PPARGC1A: variants seen among roughly 807,000 people sequenced by gnomAD.
PPARGC1A encodes peroxisome proliferator-activated receptor gamma coactivator 1-alpha.
PPARGC1A carries 25 observed loss-of-function variants against 88.7 expected under a neutral mutation model. That is an observed-to-expected ratio of 0.28 (90% CI 0.21 to 0.39). The LOEUF (loss-of-function observed/expected upper bound fraction) is 0.39, where lower values mean the gene tolerates loss of function less well. Among genes scored for constraint, PPARGC1A ranks in the 10% least tolerant of loss-of-function variants. The probability of loss-of-function intolerance (pLI) is 1.00; values close to 1 mark genes in which losing one functional copy is unlikely to be tolerated. For missense variants in PPARGC1A, 880 were observed against 968.7 expected, an observed-to-expected ratio of 0.91 and a Z score of 1.22; for synonymous variants, 363 against 355.6, an observed-to-expected ratio of 1.02 and a Z score of -0.24.
the PPARGC1A span, among the ~76,000 whole-genome samples, chr4:24,192,811 A>T: frequency 1.3e-5 from 2 of 152,362 alleles, no homozygotes; most frequent in Non-Finnish European, 2.9e-5. Context: ...AAATAATTAT[A>T]GCTACACTGT....
chr4:24,160,871 A>G, the PPARGC1A span, among the ~76,000 whole-genome samples: 2 of 152,066 alleles, frequency 1.3e-5, no homozygotes, highest in Non-Finnish European at 2.9e-5. Flanking sequence ...TGAACAAAAC[A>G]CTCAAACTAT....
the PPARGC1A span, among the ~76,000 whole-genome samples, chr4:24,006,224 T>A: frequency 6.6e-6 from 1 of 152,122 alleles, no homozygotes; most frequent in Non-Finnish European, 1.5e-5. Flanking sequence ...AATTTTTGTA[T>A]TTTTAGTAGA....
At position 23,875,066 on chromosome 4, in the gene PPARGC1A, C is replaced by T. The variant is rs544872690; in HGVS notation, c.234+9686G>A. Among the ~76,000 whole-genome samples the T allele has an allele frequency of 5.9e-5, 9 of 152,322 alleles. No individual in the cohort carries two copies. In the South Asian group the frequency reaches 1.0e-3, roughly 18 times the overall value. Reference sequence around the variant, plus strand: ...AGGGTACAAACCTTGACCAACTTTGCGGTGTCTTCCCTGCTTGTACATTTC... The same window carrying T: ...AGGGTACAAACCTTGACCAACTTTGTGGTGTCTTCCCTGCTTGTACATTTC... On this transcript the variant is annotated intron_variant, in intron 2 of 12. Transcript: ENST00000264867.
the PPARGC1A span, among the ~76,000 whole-genome samples, chr4:24,049,335 T>C: frequency 7.0e-6 from 1 of 142,804 alleles, no homozygotes; most frequent in Non-Finnish European, 1.5e-5. Flanking sequence ...TGTGTGTGTG[T>C]ATATATATAT....
the PPARGC1A span, among the ~76,000 whole-genome samples, chr4:24,121,043 G>A: frequency 6.6e-6 from 1 of 152,184 alleles, no homozygotes; most frequent in Admixed American, 6.5e-5. Context: ...ATTCCTGTAA[G>A]CTACTTAACC....
At chr4:24,451,465 G>C in the PPARGC1A span, among the ~76,000 whole-genome samples, 1 of 152,188 alleles carries the variant, frequency 6.6e-6, no homozygotes, top group South Asian at 2.1e-4. Flanking sequence ...TTTTAGTCCA[G>C]TTCTTCTACC....
the PPARGC1A span, among the ~76,000 whole-genome samples, chr4:24,340,650 C>T: frequency 0.18 from 28,049 of 151,952 alleles, 2,718 homozygotes; most frequent in South Asian, 0.24. Flanking sequence ...GGTTTCCGTC[C>T]ACATCTAACA....
chr4:23,942,556 T>C, the PPARGC1A span, among the ~76,000 whole-genome samples: 1 of 152,208 alleles, frequency 6.6e-6, no homozygotes, highest in Non-Finnish European at 1.5e-5. Flanking sequence ...TAAAATTCAC[T>C]TCCACACTTA....
the PPARGC1A span, among the ~76,000 whole-genome samples, chr4:24,057,868 T>C: frequency 1.3e-5 from 2 of 152,148 alleles, no homozygotes; most frequent in African/African-American, 2.4e-5. Context: ...TGGAAAACTG[T>C]TTTAATTAGT....
At chr4:24,356,200 C>CAAAA in the PPARGC1A span, among the ~76,000 whole-genome samples, 4 of 74,538 alleles carry the variant, frequency 5.4e-5, no homozygotes, top group African/African-American at 1.4e-4. Flanking sequence ...CCGTCTCAAA[C>CAAAA]AAAAAAAAAA....
the PPARGC1A span, among the ~76,000 whole-genome samples, chr4:24,077,195 T>C: frequency 5.3e-5 from 8 of 152,128 alleles, no homozygotes; most frequent in African/African-American, 1.7e-4. Flanking sequence ...AGGAATATCT[T>C]TGGCCTCTCT....
chr4:23,836,271 G>T (rs1186473684), intron 2 of PPARGC1A, among the ~76,000 whole-genome samples: 1 of 152,178 alleles, frequency 6.6e-6, no homozygotes, highest in Non-Finnish European at 1.5e-5. Flanking sequence ...GGAAGGAAAG[G>T]TAGAAAACAG....
chr4:23,923,638 GA>G, the PPARGC1A span, among the ~76,000 whole-genome samples: 1 of 152,164 alleles, frequency 6.6e-6, no homozygotes, highest in African/African-American at 2.4e-5. Context: ...GAATACAAAG[GA>G]AGGGAATGTA....
the PPARGC1A span, among the ~76,000 whole-genome samples, chr4:23,914,727 G>A: frequency 1.3e-5 from 2 of 152,160 alleles, no homozygotes; most frequent in Non-Finnish European, 2.9e-5. Context: ...GGCAGTCAGT[G>A]CGGCCTGAAC....
rs1425335451 is a variant in PPARGC1A at position 23,793,781 on chromosome 4, GGCCATGCTAGTGCAAGTAGAAACACT to G, written c.*2015_*2040del. On this transcript the variant is annotated 3_prime_UTR_variant, in exon 13 of 13. Transcript: ENST00000264867. ...AGAACAACACCATGGTCACGTCAGAGGCCATGCTAGTGCAAGTAGAAACACTGCTTCTGCAAAAGCTGAATTTCCCA... is the reference window on the plus strand; with the variant it reads ...AGAACAACACCATGGTCACGTCAGAGGCTTCTGCAAAAGCTGAATTTCCCA... The G allele has an allele frequency of 1.3e-5, 2 of 152,174 alleles. No individual in the cohort carries two copies. Among genetic ancestry groups the G allele is most frequent in the Non-Finnish European group, 2.9e-5 (2 of 68,016 alleles). The allele number at this position is 152,174 out of a possible 1,614,324, so 9.4% of individuals were successfully genotyped here.
At chr4:24,396,308 C>T in the PPARGC1A span, among the ~76,000 whole-genome samples, 59 of 152,290 alleles carry the variant, frequency 3.9e-4, no homozygotes, top group Non-Finnish European at 7.3e-4. Flanking sequence ...CAGTATATGA[C>T]TTACACATGC....
At chr4:24,135,261 T>TAGTTG in the PPARGC1A span, among the ~76,000 whole-genome samples, 18 of 152,318 alleles carry the variant, frequency 1.2e-4, no homozygotes, top group East Asian at 3.1e-3. Context: ...CTGAGTGGCT[T>TAGTTG]CAGGCATAGT....
chr4:24,397,020 A>T, the PPARGC1A span, among the ~76,000 whole-genome samples: 2 of 152,242 alleles, frequency 1.3e-5, no homozygotes, highest in Admixed American at 6.5e-5. Flanking sequence ...TTTAGAATAA[A>T]GTGATTAGCA....
At chr4:24,158,516 A>C in the PPARGC1A span, among the ~76,000 whole-genome samples, 3 of 152,124 alleles carry the variant, frequency 2.0e-5, no homozygotes, top group African/African-American at 7.2e-5. Context: ...ATTCATCCAC[A>C]TTGCACTGGT....
Sources: allele counts gnomAD v4.1 joint callset (sites outside exome capture counted in the v4.1 genomes callset), GRCh38; gene constraint gnomAD v4.1.1; transcripts MANE v1.5; gene names NCBI Gene and HGNC (gene_info 2026-07-23, HGNC 2026-07-21).